NPAS3: variants seen among roughly 807,000 people sequenced by gnomAD.
The protein encoded by NPAS3 is neuronal PAS domain-containing protein 3.
In NPAS3, 14 loss-of-function variants were observed where a neutral mutation model predicts 73.1. The observed-to-expected ratio is 0.19, with a 90% CI of 0.13 to 0.30. The LOEUF (loss-of-function observed/expected upper bound fraction) is 0.30. NPAS3 is among the 10% of genes least tolerant of loss of function. The probability of loss-of-function intolerance (pLI) is 1.00; values close to 1 mark genes in which losing one functional copy is unlikely to be tolerated. For synonymous variants in NPAS3, 620 were observed against 541.5 expected (o/e 1.14, Z -2.01); for missense variants, 1,096 against 1,250.0 (o/e 0.88, Z 1.86).
chr14:33,061,899 C>T (rs553213981), intron 2 of NPAS3, among the ~76,000 whole-genome samples: 2 of 152,234 alleles, frequency 1.3e-5, no homozygotes, highest in South Asian at 2.1e-4. Context: ...GTGCAGGGAG[C>T]CCAAGGTCTT....
At chr14:33,591,835 GGAA>G (rs1280872016) in intron 5 of NPAS3, among the ~76,000 whole-genome samples, 1 of 152,154 alleles carries the variant, frequency 6.6e-6, no homozygotes, top group Non-Finnish European at 1.5e-5. Flanking sequence ...ACTGCCAAGA[GGAA>G]GAATATCCAC....
chr14:32,961,435 A>T (rs1260985944), intron 1 of NPAS3, among the ~76,000 whole-genome samples: 2 of 152,002 alleles, frequency 1.3e-5, no homozygotes, highest in African/African-American at 4.8e-5. Context: ...AGAAAAAAAA[A>T]ATTGAATTCA....
At chr14:33,181,911 G>C (rs2045811473) in intron 2 of NPAS3, among the ~76,000 whole-genome samples, 1 of 152,116 alleles carries the variant, frequency 6.6e-6, no homozygotes, top group Non-Finnish European at 1.5e-5. Context: ...CACATATTTT[G>C]ACAGATACAC....
intron 5 of NPAS3, among the ~76,000 whole-genome samples, chr14:33,648,581 G>A (rs2058901296): frequency 6.6e-6 from 1 of 152,144 alleles, no homozygotes; most frequent in Admixed American, 6.5e-5. Context: ...TTTTCTGCTT[G>A]CTAATGAACT....
chr14:33,358,966 A>G (rs1594764037), intron 3 of NPAS3, among the ~76,000 whole-genome samples: 1 of 147,168 alleles, frequency 6.8e-6, no homozygotes, highest in East Asian at 2.3e-4. Flanking sequence ...ACCTTTCAAT[A>G]GCAGGTGCTG....
chr14:33,557,412 G>T (rs1002806052), intron 4 of NPAS3, among the ~76,000 whole-genome samples: 9 of 152,262 alleles, frequency 5.9e-5, no homozygotes, highest in Middle Eastern at 3.4e-3. Flanking sequence ...GGATTCTATT[G>T]TTTGAACACA....
At chr14:33,677,437 A>G (rs927560373) in intron 6 of NPAS3, among the ~76,000 whole-genome samples, 1 of 152,342 alleles carries the variant, frequency 6.6e-6, no homozygotes, top group Non-Finnish European at 1.5e-5. Flanking sequence ...TCACTCTTCA[A>G]AGATGCTTGT....
intron 1 of NPAS3, among the ~76,000 whole-genome samples, chr14:32,990,910 G>A (rs2038305313): frequency 6.6e-6 from 1 of 151,590 alleles, no homozygotes; most frequent in Admixed American, 6.6e-5. Flanking sequence ...TTGGGTAACA[G>A]AGATGCCATC....
At chr14:33,733,561 C>G (rs1003863890) in intron 6 of NPAS3, among the ~76,000 whole-genome samples, 1 of 151,992 alleles carries the variant, frequency 6.6e-6, no homozygotes, top group African/African-American at 2.4e-5. Context: ...ATTAGAGGGG[C>G]AAATTAAACT....
intron 7 of NPAS3, among the ~76,000 whole-genome samples, chr14:33,768,375 G>C (rs2062532658): frequency 6.6e-6 from 1 of 152,296 alleles, no homozygotes; most frequent in East Asian, 1.9e-4. Flanking sequence ...TGAGATTTAA[G>C]ACCAGATTAA....
chr14:33,118,870 A>C (rs1007791940), intron 2 of NPAS3, among the ~76,000 whole-genome samples: 2 of 151,460 alleles, frequency 1.3e-5, no homozygotes, highest in African/African-American at 4.9e-5. Flanking sequence ...CAAACACATA[A>C]ATCCTTTTTT....
At chr14:33,208,104 A>AT (rs2060529622) in intron 2 of NPAS3, among the ~76,000 whole-genome samples, 1 of 70,448 alleles carries the variant, frequency 1.4e-5, no homozygotes, top group South Asian at 3.2e-4. Context: ...ATAAAACTGC[A>AT]GTTTTTTTTT....
intron 4 of NPAS3, among the ~76,000 whole-genome samples, chr14:33,498,227 C>A (rs2052311356): frequency 6.6e-6 from 1 of 152,136 alleles, no homozygotes; most frequent in East Asian, 1.9e-4. Context: ...AATAGGAATG[C>A]TTTTACACTG....
intron 2 of NPAS3, among the ~76,000 whole-genome samples, chr14:33,144,230 CAAAT>C (rs1325035650): frequency 6.6e-6 from 1 of 152,078 alleles, no homozygotes; most frequent in African/African-American, 2.4e-5. Flanking sequence ...ATGTTTTTAA[CAAAT>C]AAAAAAACTT....
chr14:33,016,484 C>T (rs12146986), intron 1 of NPAS3, among the ~76,000 whole-genome samples: 1 of 151,908 alleles, frequency 6.6e-6, no homozygotes, highest in African/African-American at 2.4e-5. Flanking sequence ...TAATAAAATT[C>T]TGACAATAAC....
At chr14:33,385,321 A>G (rs2138517518) in intron 4 of NPAS3, among the ~76,000 whole-genome samples, 2 of 152,234 alleles carry the variant, frequency 1.3e-5, no homozygotes, top group Admixed American at 1.3e-4. Flanking sequence ...AACAGACACA[A>G]ATTATCTGCC....
intron 4 of NPAS3, among the ~76,000 whole-genome samples, chr14:33,550,502 G>A (rs1381053575): frequency 6.6e-6 from 1 of 152,218 alleles, no homozygotes; most frequent in Non-Finnish European, 1.5e-5. Flanking sequence ...TACTTCTCAT[G>A]TGTTACATAG....
intron 1 of NPAS3, among the ~76,000 whole-genome samples, chr14:32,967,752 C>A (rs2037236230): frequency 6.8e-6 from 1 of 146,204 alleles, no homozygotes; most frequent in Non-Finnish European, 1.5e-5. Context: ...ACAGTACAGC[C>A]ATTATGGACA....
At position 33,544,788 on chromosome 14, in the gene NPAS3, T is replaced by TTATATATATATATATATATATA. The variant is rs71406561; in HGVS notation, c.469-15331_469-15310dup. On this transcript the variant is annotated intron_variant, in intron 4 of 11. Transcript: ENST00000356141. ...GCATGTATGTGTTTATGTGTGTGTA[T>TTATATATATATATATATATATA]TATATATATATATATATATATATGT... Among the ~76,000 whole-genome samples, 211 of 63,196 alleles carry TTATATATATATATATATATATA rather than the reference T, an allele frequency of 3.3e-3. 6 individuals carry two copies. Among genetic ancestry groups the TTATATATATATATATATATATA allele is most frequent in the African/African-American group, 0.017 (194 of 11,520 alleles). 41.5% of individuals were successfully genotyped at this position (63,196 alleles called of 152,430 possible). A position where few individuals can be genotyped will look rare whatever the true frequency, so the allele number is the denominator to read the frequency against.
Sources: allele counts gnomAD v4.1 joint callset (sites outside exome capture counted in the v4.1 genomes callset), GRCh38; gene constraint gnomAD v4.1.1; transcripts MANE v1.5; gene names NCBI Gene and HGNC (gene_info 2026-07-23, HGNC 2026-07-21).